The following DHDDS variants were observed in gnomAD, a reference collection of about 807,000 sequenced individuals.
DHDDS encodes dehydrodolichyl diphosphate synthase subunit.
In DHDDS, 16 loss-of-function variants were observed where a neutral mutation model predicts 46.2. The observed-to-expected ratio is 0.35, with a 90% CI of 0.23 to 0.53. The LOEUF (loss-of-function observed/expected upper bound fraction) is 0.53, where lower values mean the gene tolerates loss of function less well. Ranked by LOEUF, DHDDS falls within the 20% of genes least tolerant of loss-of-function variation. DHDDS has a pLI of 0.94. For missense variants in DHDDS, 340 were observed against 423.7 expected, an observed-to-expected ratio of 0.80 and a Z score of 1.73; for synonymous variants, 151 against 163.1, an observed-to-expected ratio of 0.93 and a Z score of 0.56.
chr1:26,440,006 G>A (rs1400703389), intron 3 of DHDDS, among the ~76,000 whole-genome samples: 2 of 147,404 alleles, frequency 1.4e-5, no homozygotes, highest in Admixed American at 6.6e-5. Flanking sequence ...CGGGCGTGGT[G>A]GCGGGCACCT....
At position 26,470,382 on chromosome 1, in the gene DHDDS, G is replaced by C. The variant is rs1385547265; in HGVS notation, c.*1251G>C. 1 of 147,696 alleles carries C rather than the reference G, an allele frequency of 6.8e-6. No individual in the cohort carries two copies. The highest frequency in any genetic ancestry group is 2.5e-5 in the African/African-American group (1 of 39,324). The allele number at this position is 147,696 out of a possible 1,614,324, so 9.1% of individuals were successfully genotyped here. On this transcript the variant is annotated 3_prime_UTR_variant, in exon 9 of 9. Transcript: ENST00000236342. ...GGCTGGTCTCGAACTCCTGACCTCA[G>C]GTGATCCGCCGGCCTCACCCTCCCA...
In DHDDS at chr1:26,446,367, C is replaced by T; in HGVS notation, c.375C>T (p.His125=). 6.2e-7 allele frequency: 1 copy of T among 1,614,102 alleles called. No individual in the cohort carries two copies. The highest frequency in any genetic ancestry group is 2.2e-5 in the East Asian group (1 of 44,882). Residue 125 remains histidine, a synonymous_variant, in exon 5 of 9, where the codon CAC becomes CAT. Transcript: ENST00000236342. ...GTATCCGGGTCCTGGGCGATCTGCA[C>T]TTGTTGCCCTTGGATCTCCAGGAGC... The part of the protein sequence containing the change: ...GVCIRVLGDL[H]LLPLDLQELI...
At chr1:26,432,816 T>C in intron 1 of DHDDS, 75 bp from the exon 2 acceptor site, 1 of 882,572 alleles carries the variant, frequency 1.1e-6, no homozygotes, top group Non-Finnish European at 1.9e-6. Context: ...CCATAGTCCA[T>C]CTGATTCCCC....
Position 26,468,963 on chromosome 1 carries a change from A to G in DHDDS, c.834A>G (p.Thr278=). ...TGGAGAGGGACCAGGCTACAGTGAC[A>G]GAGCAGCTGCTGCGAGAGGGGCTCC... The part of the protein sequence containing the change: ...QQLERDQATV[T]EQLLREGLQA... Residue 278 remains threonine (T), a synonymous_variant, in exon 9 of 9, where the codon ACA becomes ACG. Transcript: ENST00000236342. 6.2e-7 allele frequency: 1 copy of G among 1,614,132 alleles called. No homozygotes were observed. Among genetic ancestry groups the G allele is most frequent in the Non-Finnish European group, 8.5e-7 (1 of 1,180,022 alleles).
In DHDDS at chr1:26,470,954, T is replaced by C. The variant is rs985081082; in HGVS notation, c.*1823T>C. 1.3e-5 allele frequency: 2 copies of C among 152,340 alleles called. No homozygotes were observed. The highest frequency in any genetic ancestry group is 3.9e-4 in the East Asian group (2 of 5,194). The allele number at this position is 152,340 out of a possible 1,614,324, so 9.4% of individuals were successfully genotyped here. ...TTTCCGTAATATGATTGGGGTACAG[T>C]AGAGGTGATTAATGGGGCTGGCATC... On this transcript the variant is annotated 3_prime_UTR_variant, in exon 9 of 9. Coordinates refer to ENST00000236342, the MANE Select transcript of DHDDS (RefSeq NM_205861.3).
chr1:26,443,031 T>A, intron 4 of DHDDS, 158 bp downstream of exon 4: 2 of 1,267,312 alleles, frequency 1.6e-6, no homozygotes, highest in Non-Finnish European at 2.1e-6. Flanking sequence ...TACAAGATAG[T>A]CTTTCATTCT....
chr1:26,460,457 GTCTTTTA>G (rs1557449037), intron 8 of DHDDS, among the ~76,000 whole-genome samples: 1 of 152,156 alleles, frequency 6.6e-6, no homozygotes, highest in African/African-American at 2.4e-5. Flanking sequence ...TGAGCTACAG[GTCTTTTA>G]TCTTTTAAAG....
intron 8 of DHDDS, among the ~76,000 whole-genome samples, chr1:26,461,427 C>A (rs2124508615): frequency 6.6e-6 from 1 of 151,410 alleles, no homozygotes; most frequent in African/African-American, 2.4e-5. Context: ...CTCTTGCGGC[C>A]CAGGCTGGAG....
chr1:26,462,072 T>G (rs1339899728), intron 8 of DHDDS, among the ~76,000 whole-genome samples: 1 of 151,272 alleles, frequency 6.6e-6, no homozygotes, highest in African/African-American at 2.5e-5. Flanking sequence ...GTTTTTTTTT[T>G]TTTTTAGCAG....
At chr1:26,463,992 C>CTTTTTT (rs60149042) in intron 8 of DHDDS, among the ~76,000 whole-genome samples, 36 of 93,756 alleles carry the variant, frequency 3.8e-4, no homozygotes, top group Middle Eastern at 0.011. Flanking sequence ...TATTTGCAAA[C>CTTTTTT]TTTTTTTTTT....
chr1:26,467,562 A>G (rs2075505063), intron 8 of DHDDS: 1 of 319,912 alleles, frequency 3.1e-6, no homozygotes, highest in Non-Finnish European at 6.7e-6. Flanking sequence ...TCCAGCAGAA[A>G]GTACCTCCCT....
intron 5 of DHDDS, among the ~76,000 whole-genome samples, chr1:26,446,709 G>GT (rs2075272999): frequency 3.4e-5 from 5 of 147,256 alleles, no homozygotes; most frequent in Non-Finnish European, 7.4e-5. Flanking sequence ...TGTGTGTGTG[G>GT]GTGTGTTTTT....
At chr1:26,438,070 T>C (rs965588904) in intron 2 of DHDDS, 98 bp from the exon 3 acceptor site, 12 of 1,305,264 alleles carry the variant, frequency 9.2e-6, no homozygotes, top group African/African-American at 7.2e-5. Flanking sequence ...GTCAGGGTTT[T>C]CATCACATAG....
At chr1:26,455,125 A>AT in intron 6 of DHDDS, 1 of 783,924 alleles carries the variant, frequency 1.3e-6, no homozygotes, top group Non-Finnish European at 2.4e-6. Flanking sequence ...AAACACGAAG[A>AT]TTGGAACCTC....
rs563160619 is a variant in DHDDS at position 26,471,078 on chromosome 1, G to C, written c.*1947G>C. On this transcript the variant is annotated 3_prime_UTR_variant, in exon 9 of 9. Transcript: ENST00000236342. Reference sequence around the variant, plus strand: ...GATGTAGTGGTGGAAAGAAGAGGCAGAGAGGTCGTCGTCGTCGCCCAGCAG... The same window carrying C: ...GATGTAGTGGTGGAAAGAAGAGGCACAGAGGTCGTCGTCGTCGCCCAGCAG... The C allele has an allele frequency of 2.0e-4, 31 of 152,490 alleles. No individual in the cohort carries two copies. Among genetic ancestry groups the C allele is most frequent in the African/African-American group, 7.2e-4 (30 of 41,566 alleles). The allele number at this position is 152,490 out of a possible 1,614,324, so 9.4% of individuals were successfully genotyped here.
In DHDDS at chr1:26,471,236, T is replaced by A. The variant is rs535972905; in HGVS notation, c.*2105T>A. 1 of 152,388 alleles carries A rather than the reference T, an allele frequency of 6.6e-6. No homozygotes were observed. The highest frequency in any genetic ancestry group is 2.1e-4 in the South Asian group (1 of 4,830). 9.4% of individuals were successfully genotyped at this position (152,388 alleles called of 1,614,324 possible). On this transcript the variant is annotated 3_prime_UTR_variant, in exon 9 of 9. Coordinates refer to ENST00000236342, the MANE Select transcript of DHDDS (RefSeq NM_205861.3). ...CTTCCACCTGTGAGCCAAGCCCCCA[T>A]TTGAGGACATCTATCGTATTCTTGT...
At chr1:26,439,936 C>G (rs1267681526) in intron 3 of DHDDS, among the ~76,000 whole-genome samples, 2 of 151,684 alleles carry the variant, frequency 1.3e-5, no homozygotes, top group Admixed American at 6.6e-5. Flanking sequence ...GTCAGGAGAT[C>G]AAGACCATCG....
In DHDDS at chr1:26,470,597, G is replaced by T. The variant is rs939533729; in HGVS notation, c.*1466G>T. The T allele has an allele frequency of 1.3e-5, 2 of 152,548 alleles. No individual in the cohort carries two copies. The highest frequency in any genetic ancestry group is 4.8e-5 in the African/African-American group (2 of 41,414). 9.4% of individuals were successfully genotyped at this position (152,548 alleles called of 1,614,324 possible). A position where few individuals can be genotyped will look rare whatever the true frequency, so the allele number is the denominator to read the frequency against. ...CCTTTCTGTCCCGGGATACCTGGCG[G>T]CAAGAGACTTCTTGGCTATTGTCCA... On this transcript the variant is annotated 3_prime_UTR_variant, in exon 9 of 9. Coordinates refer to ENST00000236342, the MANE Select transcript of DHDDS (RefSeq NM_205861.3).
At chr1:26,434,408 A>G (rs773527563) in intron 2 of DHDDS, among the ~76,000 whole-genome samples, 16 of 152,202 alleles carry the variant, frequency 1.1e-4, no homozygotes, top group Non-Finnish European at 1.9e-4. Context: ...CAAGCAGTCC[A>G]GGAAATGGGA....
Sources: allele counts gnomAD v4.1 joint callset (sites outside exome capture counted in the v4.1 genomes callset), GRCh38; gene constraint gnomAD v4.1.1; transcripts MANE v1.5; gene names NCBI Gene and HGNC (gene_info 2026-07-23, HGNC 2026-07-21).